MDFIC: variants seen among roughly 807,000 people sequenced by gnomAD.
The protein encoded by MDFIC is MyoD family inhibitor domain containing, also known as myoD family inhibitor domain-containing protein.
MDFIC carries 17 observed loss-of-function variants against 23.2 expected under a neutral mutation model. That is an observed-to-expected ratio of 0.73 (90% CI 0.50 to 1.10). The LOEUF (loss-of-function observed/expected upper bound fraction) is 1.10. Ranked by LOEUF, MDFIC falls within the 50% of genes least tolerant of loss-of-function variation. The pLI is 0.00. For missense variants in MDFIC, 356 were observed against 316.6 expected (o/e 1.12, Z -0.95); for synonymous variants, 120 against 115.2 (o/e 1.04, Z -0.27).
rs147094174 is a variant in MDFIC at position 114,937,837 on chromosome 7, A to G, written c.95-4438A>G. 2.6e-4 allele frequency among the ~76,000 whole-genome samples: 40 copies of G among 152,308 alleles called. 1 individual carries two copies. Among genetic ancestry groups the G allele is most frequent in the African/African-American group, 9.1e-4 (38 of 41,564 alleles). ...TGGAAGTAGATGCCAGTGGTGTTCAACTATCCTTTAATCTAGTACTATTTT... is the reference window on the plus strand; with the variant it reads ...TGGAAGTAGATGCCAGTGGTGTTCAGCTATCCTTTAATCTAGTACTATTTT... On this transcript the variant is annotated intron_variant, in intron 2 of 4. Coordinates refer to ENST00000393486, the MANE Select transcript of MDFIC (RefSeq NM_001166345.3).
At chr7:115,006,935 G>GTTTTACTGTCTTTGC (rs142192123) in intron 4 of MDFIC, among the ~76,000 whole-genome samples, 3 of 152,170 alleles carry the variant, frequency 2.0e-5, no homozygotes, top group African/African-American at 7.2e-5. Context: ...GTAAAGTATA[G>GTTTTACTGTCTTTGC]TTTCTAGCTT....
chr7:114,931,066 C>T (rs1203777518), intron 2 of MDFIC, among the ~76,000 whole-genome samples: 1 of 151,944 alleles, frequency 6.6e-6, no homozygotes, highest in Admixed American at 6.5e-5. Context: ...TCCCCTTTTC[C>T]TCCTCCCTCT....
chr7:114,923,106 C>G lies in MDFIC; in HGVS notation c.73C>G (p.Gln25Glu). The change falls in exon 2 of 5, where the codon CAG (glutamine) becomes GAG (glutamate). Residue 25 changes from glutamine to glutamate, a missense_variant. Coordinates refer to ENST00000393486, the MANE Select transcript of MDFIC (RefSeq NM_001166345.3). ...GCGCGTGGCCGAGGCGGGCGGCGGC[C>G]AGCTGGGCTCCACAGCCCAGGGTGA... is the stretch of plus-strand genomic sequence containing the variant. ...PQRVAEAGGG[Q>E]LGSTAQGKCD... is the part of the protein sequence containing the mutation. 1 of 1,457,782 alleles carries G rather than the reference C, an allele frequency of 6.9e-7. No individual in the cohort carries two copies. Among genetic ancestry groups the G allele is most frequent in the Non-Finnish European group, 9.0e-7 (1 of 1,107,290 alleles). The allele number at this position is 1,457,782 out of a possible 1,614,324, so 90.3% of individuals were successfully genotyped here. A position where few individuals can be genotyped will look rare whatever the true frequency, so the allele number is the denominator to read the frequency against.
intron 3 of MDFIC, among the ~76,000 whole-genome samples, chr7:114,975,885 A>G (rs184620451): frequency 6.6e-6 from 1 of 152,262 alleles, no homozygotes. Flanking sequence ...AACTAGAGTA[A>G]AGGGATAATA....
In MDFIC at chr7:115,016,011, A is replaced by T. The variant is rs546784977; in HGVS notation, c.*76A>T. The T allele has an allele frequency of 3.1e-4, 433 of 1,415,670 alleles. 3 individuals carry two copies. In the Middle Eastern group the frequency reaches 4.3e-3, roughly 14 times the overall value. 87.7% of individuals were successfully genotyped at this position (1,415,670 alleles called of 1,614,324 possible). ...TTTGGGGGGAAGAAAAGCACATTGT[A>T]AGATTCTCATGAAACAACATGGAAT... On this transcript the variant is annotated 3_prime_UTR_variant, in exon 5 of 5. Transcript: ENST00000393486.
At chr7:114,939,283 A>G (rs1281649133) in intron 2 of MDFIC, among the ~76,000 whole-genome samples, 2 of 152,180 alleles carry the variant, frequency 1.3e-5, no homozygotes, top group Non-Finnish European at 2.9e-5. Context: ...CCTTTTCTGA[A>G]TCTTGCTTTG....
At position 115,016,722 on chromosome 7, in the gene MDFIC, A is replaced by C. The variant is rs117455275; in HGVS notation, c.*787A>C. ...TCTTTATTTTAAAAGAAACTTTAGG[A>C]AACAAACCCACATAATAGTTGGGAA... is the stretch of plus-strand genomic sequence containing the variant. On this transcript the variant is annotated 3_prime_UTR_variant, in exon 5 of 5. Coordinates refer to ENST00000393486, the MANE Select transcript of MDFIC (RefSeq NM_001166345.3). The C allele has an allele frequency of 2.6e-3, 407 of 153,590 alleles. No homozygotes were observed. The highest frequency in any genetic ancestry group is 4.6e-3 in the Admixed American group (71 of 15,300). 9.5% of individuals were successfully genotyped at this position (153,590 alleles called of 1,614,324 possible). A position where few individuals can be genotyped will look rare whatever the true frequency, so the allele number is the denominator to read the frequency against.
chr7:114,971,037 T>C (rs892513637), intron 3 of MDFIC, among the ~76,000 whole-genome samples: 1 of 152,204 alleles, frequency 6.6e-6, no homozygotes, highest in Non-Finnish European at 1.5e-5. Flanking sequence ...GTATCACCTG[T>C]AGGTAAAAAA....
rs563669731 is a variant in MDFIC, at chr7:114,959,301, G to T, written c.217+16904G>T. ...ATGAAACACTAAATTACAGTAAATTGAAAAATGGGTGGTTTATAGTCCTAG... is the reference window on the plus strand; with the variant it reads ...ATGAAACACTAAATTACAGTAAATTTAAAAATGGGTGGTTTATAGTCCTAG... On this transcript the variant is annotated intron_variant, in intron 3 of 4. Coordinates refer to ENST00000393486, the MANE Select transcript of MDFIC (RefSeq NM_001166345.3). 2.0e-5 allele frequency among the ~76,000 whole-genome samples: 3 copies of T among 152,184 alleles called. No individual in the cohort carries two copies. In the East Asian group the frequency reaches 5.8e-4, roughly 29 times the overall value.
chr7:114,992,034 G>C lies in MDFIC; in HGVS notation c.493+12253G>C, dbSNP rs868259775. On this transcript the variant is annotated intron_variant, in intron 4 of 4. Transcript: ENST00000393486. ...GTCCTCTTTTATTTCGTTGAGCAGTGGTTTGTAGTTCTCCTTGAAGAAGTC... is the reference window on the plus strand; with the variant it reads ...GTCCTCTTTTATTTCGTTGAGCAGTCGTTTGTAGTTCTCCTTGAAGAAGTC... Among the ~76,000 whole-genome samples, 90 of 152,230 alleles carry C rather than the reference G, an allele frequency of 5.9e-4. 1 individual carries two copies. Among genetic ancestry groups the C allele is most frequent in the African/African-American group, 1.9e-3 (77 of 41,520 alleles).
chr7:114,964,828 C>A lies in MDFIC; in HGVS notation c.218-14678C>A, dbSNP rs939663563. Among the ~76,000 whole-genome samples, 3 of 152,266 alleles carry A rather than the reference C, an allele frequency of 2.0e-5. No homozygotes were observed. In the East Asian group the frequency reaches 5.8e-4, roughly 29 times the overall value. ...CCTCCCAAAGTGCTGGGATTACAGG[C>A]GTTAGCCACCATGCCGGGCCCCTTG... On this transcript the variant is annotated intron_variant, in intron 3 of 4. Transcript: ENST00000393486.
intron 2 of MDFIC, among the ~76,000 whole-genome samples, chr7:114,927,423 T>A (rs1792214978): frequency 6.6e-6 from 1 of 151,806 alleles, no homozygotes; most frequent in Non-Finnish European, 1.5e-5. Context: ...ATGTAAACTC[T>A]CTAATAATCC....
At chr7:114,926,043 G>T (rs968803975) in intron 2 of MDFIC, among the ~76,000 whole-genome samples, 1 of 152,138 alleles carries the variant, frequency 6.6e-6, no homozygotes, top group African/African-American at 2.4e-5. Context: ...AGAGATAATG[G>T]ATCTTGTTTG....
At chr7:114,990,829 A>G (rs1791141018) in intron 4 of MDFIC, among the ~76,000 whole-genome samples, 1 of 152,162 alleles carries the variant, frequency 6.6e-6, no homozygotes, top group Non-Finnish European at 1.5e-5. Flanking sequence ...GTGTCTTTAT[A>G]GCAGCATGAT....
chr7:114,956,225 C>A (rs1454824939), intron 3 of MDFIC, among the ~76,000 whole-genome samples: 2 of 152,086 alleles, frequency 1.3e-5, no homozygotes, highest in African/African-American at 4.8e-5. Context: ...CTGCATTCTG[C>A]CCTTGTGTTG....
intron 4 of MDFIC, among the ~76,000 whole-genome samples, chr7:114,986,192 G>T (rs1336908030): frequency 6.6e-6 from 1 of 152,032 alleles, no homozygotes; most frequent in African/African-American, 2.4e-5. Context: ...GGCTTTTTCT[G>T]CTTTCTTTTT....
At chr7:114,978,688 T>C (rs900249736) in intron 3 of MDFIC, among the ~76,000 whole-genome samples, 6 of 152,076 alleles carry the variant, frequency 3.9e-5, no homozygotes, top group African/African-American at 1.4e-4. Flanking sequence ...ATTATATATA[T>C]ACTATATATT....
intron 3 of MDFIC, among the ~76,000 whole-genome samples, chr7:114,958,871 G>A (rs1010147992): frequency 1.4e-4 from 22 of 152,074 alleles, no homozygotes; most frequent in African/African-American, 5.3e-4. Flanking sequence ...TCTTCCTCCG[G>A]TTTGCTTATT....
intron 2 of MDFIC, among the ~76,000 whole-genome samples, chr7:114,934,182 G>A (rs1792382487): frequency 6.6e-6 from 1 of 152,192 alleles, no homozygotes. Flanking sequence ...TGAGAAGGAA[G>A]GAGTTTGCTG....
Sources: allele counts gnomAD v4.1 joint callset (sites outside exome capture counted in the v4.1 genomes callset), GRCh38; gene constraint gnomAD v4.1.1; transcripts MANE v1.5; gene names NCBI Gene and HGNC (gene_info 2026-07-23, HGNC 2026-07-21).